Variants in RPS6KA2 observed in about 807,000 individuals in gnomAD.
RPS6KA2 encodes the protein ribosomal protein S6 kinase alpha-2.
In RPS6KA2, 42 loss-of-function variants were observed where a neutral mutation model predicts 91.8. The observed-to-expected ratio is 0.46, with a 90% CI of 0.36 to 0.59. The LOEUF (loss-of-function observed/expected upper bound fraction) is 0.59, where lower values mean the gene tolerates loss of function less well. RPS6KA2 is among the 20% of genes least tolerant of loss of function. The pLI is 0.00. For missense variants in RPS6KA2, 798 were observed against 978.5 expected (o/e 0.82, Z 2.46); for synonymous variants, 414 against 393.6 (o/e 1.05, Z -0.61).
chr6:166,808,261 C>T (rs1779542710), intron 2 of RPS6KA2, among the ~76,000 whole-genome samples: 1 of 152,228 alleles, frequency 6.6e-6, no homozygotes, highest in Non-Finnish European at 1.5e-5. Context: ...CTGAGACTCT[C>T]CTACCCCTAC....
Position 166,732,456 on chromosome 6 carries a change from T to A in RPS6KA2, c.123+125744A>T, listed in dbSNP as rs1790556702. 6.6e-6 allele frequency among the ~76,000 whole-genome samples: 1 copy of A among 152,200 alleles called. No homozygotes were observed. The highest frequency in any genetic ancestry group is 2.4e-5 in the African/African-American group (1 of 41,444). On this transcript the variant is annotated intron_variant, in intron 2 of 21. Coordinates refer to the RPS6KA2 transcript ENST00000503859. This position sits in a 1 kb window ranked among gnomAD's most constrained non-coding sequence, Gnocchi z 4.0. The stretch of plus-strand genomic sequence containing the variant: ...ATATTTGCCTGTCCACCTGGAGGGA[T>A]GTGACTTCCATCAGGCTACAAACAT...
intron 14 of RPS6KA2, among the ~76,000 whole-genome samples, chr6:166,436,185 C>T (rs996455064): frequency 1.3e-5 from 2 of 152,170 alleles, no homozygotes; most frequent in East Asian, 3.9e-4. Context: ...GCAGCTGTGA[C>T]CTGCCACGTT....
intron 15 of RPS6KA2, 129 bp downstream of exon 15, chr6:166,432,272 T>G: frequency 1.5e-6 from 1 of 659,646 alleles, no homozygotes; most frequent in Non-Finnish European, 2.8e-6. Flanking sequence ...GTGACTGAGA[T>G]ATGTGGGTGG....
intron 14 of RPS6KA2, among the ~76,000 whole-genome samples, chr6:166,446,165 A>G (rs2051898180): frequency 6.6e-6 from 1 of 152,242 alleles, no homozygotes; most frequent in Admixed American, 6.5e-5. Flanking sequence ...CAATTCGTCC[A>G]TCTTGGAAGG....
rs545249904 is a variant in RPS6KA2, at chr6:166,626,451, G to A, written c.99+470C>T. ...ACACTGACTTCAAGTGCACGAATGA[G>A]CTACAAGATAAGGTGGAACCTGCCG... On this transcript the variant is annotated intron_variant, in intron 1 of 20. Transcript: ENST00000265678. The surrounding 1 kb of genome is among the most constrained non-coding windows in gnomAD (Gnocchi z 4.1). Among the ~76,000 whole-genome samples the A allele has an allele frequency of 3.3e-5, 5 of 152,364 alleles. No individual in the cohort carries two copies. The highest frequency in any genetic ancestry group is 5.9e-5 in the Non-Finnish European group (4 of 68,034).
chr6:166,420,877 A>T (rs984486162), intron 17 of RPS6KA2, among the ~76,000 whole-genome samples: 1 of 152,224 alleles, frequency 6.6e-6, no homozygotes, highest in African/African-American at 2.4e-5. Context: ...ATATAGTTAC[A>T]GTTGAATAAC....
In RPS6KA2 at chr6:166,626,419, G is replaced by A. The variant is rs1041408671; in HGVS notation, c.99+502C>T. Among the ~76,000 whole-genome samples the A allele has an allele frequency of 6.6e-6, 1 of 152,250 alleles. No individual in the cohort carries two copies. The highest frequency in any genetic ancestry group is 1.5e-5 in the Non-Finnish European group (1 of 68,046). ...TGCTGCCTGTTCTTCCCCGTTCTGT[G>A]AATTCTACACTGACTTCAAGTGCAC... On this transcript the variant is annotated intron_variant, in intron 1 of 20. Coordinates refer to ENST00000265678, the MANE Select transcript of RPS6KA2 (RefSeq NM_021135.6). This position sits in a 1 kb window ranked among gnomAD's most constrained non-coding sequence, Gnocchi z 4.1.
chr6:166,774,128 T>C (rs757288279), intron 2 of RPS6KA2, among the ~76,000 whole-genome samples: 5 of 152,194 alleles, frequency 3.3e-5, no homozygotes, highest in Non-Finnish European at 5.9e-5. Context: ...CTTGGGGTCA[T>C]AGTCTGGATG....
At chr6:166,499,627 G>A (rs528534798) in intron 7 of RPS6KA2, among the ~76,000 whole-genome samples, 25 of 152,304 alleles carry the variant, frequency 1.6e-4, no homozygotes, top group Admixed American at 1.4e-3. Flanking sequence ...CATGTAAGAC[G>A]TGCTTTTTCT....
rs572546990 is a variant in RPS6KA2 at position 166,809,550 on chromosome 6, C to T, written c.123+48650G>A. ...TTGCATAGGGTGTGGACAGGTGAGT[C>T]TCAGAAGAGAAAACCCAATGGCTAA... is the stretch of plus-strand genomic sequence containing the variant. On this transcript the variant is annotated intron_variant, in intron 2 of 21. Coordinates refer to the RPS6KA2 transcript ENST00000503859. Among the ~76,000 whole-genome samples the T allele has an allele frequency of 1.4e-4, 21 of 152,222 alleles. 1 individual carries two copies. The South Asian group carries it at 4.4e-3, about 32-fold the overall frequency.
intron 1 of RPS6KA2, among the ~76,000 whole-genome samples, chr6:166,859,393 G>A (rs1218293180): frequency 1.3e-5 from 2 of 152,186 alleles, no homozygotes; most frequent in Non-Finnish European, 2.9e-5. Context: ...CTTGGCTGCT[G>A]TAACCCCGCT....
intron 2 of RPS6KA2, among the ~76,000 whole-genome samples, chr6:166,715,447 G>A (rs1437363101): frequency 6.6e-6 from 1 of 152,210 alleles, no homozygotes; most frequent in Admixed American, 6.5e-5. Context: ...AGGAATGAGA[G>A]ACAGCTTATC....
chr6:166,432,170 C>T (rs77156971), intron 15 of RPS6KA2, among the ~76,000 whole-genome samples: 4,629 of 152,274 alleles, frequency 0.03, 229 homozygotes, highest in African/African-American at 0.11. Context: ...TTCACACAAG[C>T]TCTCTCTTCC....
At chr6:166,415,702 G>T (rs1006044605) in intron 19 of RPS6KA2, among the ~76,000 whole-genome samples, 2 of 152,056 alleles carry the variant, frequency 1.3e-5, no homozygotes, top group Non-Finnish European at 2.9e-5. Flanking sequence ...GCTCTATTTT[G>T]GGAACCAGAA....
chr6:166,717,963 G>A (rs1011950725), intron 2 of RPS6KA2, among the ~76,000 whole-genome samples: 6 of 151,400 alleles, frequency 4.0e-5, no homozygotes, highest in Admixed American at 2.0e-4. Flanking sequence ...ATTCTCCTGC[G>A]TCAGCCTCCC....
At chr6:166,532,826 TGAGA>T (rs3839531) in intron 2 of RPS6KA2, among the ~76,000 whole-genome samples, 297 of 149,496 alleles carry the variant, frequency 2.0e-3, no homozygotes, top group African/African-American at 3.5e-3. Context: ...GTGTGGAGTG[TGAGA>T]GAGAGAGAGA....
chr6:166,476,280 C>T (rs2128467678), intron 10 of RPS6KA2, among the ~76,000 whole-genome samples: 1 of 152,284 alleles, frequency 6.6e-6, no homozygotes, highest in African/African-American at 2.4e-5. Context: ...AGCCCTGCAG[C>T]CTTGAGCTTG....
chr6:166,455,618 CCT>C (rs1468786147), intron 12 of RPS6KA2, among the ~76,000 whole-genome samples: 1 of 152,184 alleles, frequency 6.6e-6, no homozygotes, highest in East Asian at 1.9e-4. Context: ...CCGAAGGTAC[CCT>C]GAGTGGTTTT....
intron 2 of RPS6KA2, among the ~76,000 whole-genome samples, chr6:166,762,450 G>A (rs1367136516): frequency 2.0e-5 from 3 of 152,140 alleles, no homozygotes; most frequent in African/African-American, 2.4e-5. Context: ...ATTCCCCCAC[G>A]GCACCTGGCG....
Sources: gnomAD v4.1 joint callset for allele counts (sites outside exome capture counted in the v4.1 genomes callset) on GRCh38, gnomAD v4.1.1 for gene constraint, Gnocchi (gnomAD v3.1) non-coding constraint, MANE v1.5 for transcripts, NCBI Gene and HGNC (gene_info 2026-07-23, HGNC 2026-07-21) for gene names.